PCDH17: variants seen among roughly 807,000 people sequenced by gnomAD.
PCDH17 encodes the protein protocadherin-17.
PCDH17 carries 21 observed loss-of-function variants against 67.7 expected under a neutral mutation model. The observed-to-expected ratio is 0.31, with a 90% CI of 0.22 to 0.45. The LOEUF (loss-of-function observed/expected upper bound fraction) is 0.45. Among genes scored for constraint, PCDH17 ranks in the 20% least tolerant of loss-of-function variants. The pLI is 1.00. For missense variants in PCDH17, 1,471 were observed against 1,564.8 expected (o/e 0.94, Z 1.01); for synonymous variants, 701 against 656.7 (o/e 1.07, Z -1.03).
intron 1 of PCDH17, among the ~76,000 whole-genome samples, chr13:57,643,854 T>C (rs1218590321): frequency 6.6e-6 from 1 of 151,718 alleles, no homozygotes; most frequent in Admixed American, 6.6e-5. Flanking sequence ...CCTTGCCTCA[T>C]ATTGTAATCT....
intron 3 of PCDH17, among the ~76,000 whole-genome samples, chr13:57,721,077 T>C (rs1388947590): frequency 6.6e-6 from 1 of 152,124 alleles, no homozygotes; most frequent in Non-Finnish European, 1.5e-5. Flanking sequence ...GTGTCTAATA[T>C]AGGCAGAACT....
rs749398882 is a variant in PCDH17 at position 57,663,264 on chromosome 13, C to T, written c.2566-3204C>T. 2.0e-5 allele frequency among the ~76,000 whole-genome samples: 3 copies of T among 152,072 alleles called. No individual in the cohort carries two copies. In the South Asian group the frequency reaches 6.2e-4, roughly 32 times the overall value. On this transcript the variant is annotated intron_variant, in intron 1 of 3. Transcript: ENST00000377918. The stretch of plus-strand genomic sequence containing the variant: ...GAAGAGAACACTAGTGATTAGTTTG[C>T]ATGAAAGATAAGGTTTTCAAGCATT...
chr13:57,678,712 G>A (rs915793663), intron 3 of PCDH17, among the ~76,000 whole-genome samples: 8 of 151,400 alleles, frequency 5.3e-5, no homozygotes, highest in East Asian at 2.0e-4. Context: ...GTGCACATGC[G>A]TCAAAAACAC....
chr13:57,720,222 C>CT (rs1955861447), intron 3 of PCDH17, among the ~76,000 whole-genome samples: 1 of 151,846 alleles, frequency 6.6e-6, no homozygotes, highest in South Asian at 2.1e-4. Context: ...AGAGAGAGAG[C>CT]TTTCAGATAT....
At position 57,634,236 on chromosome 13, in the gene PCDH17, G is replaced by C. The variant is rs767718478; in HGVS notation, c.1690G>C (p.Glu564Gln). The C allele has an allele frequency of 6.2e-7, 1 of 1,613,128 alleles. No individual in the cohort carries two copies. The highest frequency in any genetic ancestry group is 1.7e-5 in the Admixed American group (1 of 60,004). Residue 564 changes from glutamate to glutamine, a missense_variant, in exon 1 of 4, where the codon GAG (glutamate) becomes CAG (glutamine). By Grantham distance (29) the Glu-to-Gln change is conservative. Transcript: ENST00000377918. This position sits in a 1 kb window ranked among gnomAD's most constrained non-coding sequence, Gnocchi z 7.8. ...AKDSGAPAHLESNATVRVTVL... is the reference protein window; with the variant it reads ...AKDSGAPAHLQSNATVRVTVL... Reference sequence around the variant, plus strand: ...GGACTCGGGGGCGCCCGCGCACTTGGAGAGCAACGCCACGGTGAGGGTGAC... The same window carrying C: ...GGACTCGGGGGCGCCCGCGCACTTGCAGAGCAACGCCACGGTGAGGGTGAC...
In PCDH17 at chr13:57,728,525, A is replaced by G. The variant is rs1048960739; in HGVS notation, c.*3231A>G. 1 of 150,298 alleles carries G rather than the reference A, an allele frequency of 6.7e-6. No homozygotes were observed. Among genetic ancestry groups the G allele is most frequent in the Non-Finnish European group, 1.5e-5 (1 of 67,448 alleles). 9.3% of individuals were successfully genotyped at this position (150,298 alleles called of 1,614,324 possible). A position where few individuals can be genotyped will look rare whatever the true frequency, so the allele number is the denominator to read the frequency against. The stretch of plus-strand genomic sequence containing the variant: ...ATTGCTTGCAGATGAGCTAAAAAAA[A>G]AAAAAAAAAAAAAAAGCAACAAAAT... On this transcript the variant is annotated 3_prime_UTR_variant, in exon 4 of 4. Coordinates refer to ENST00000377918, the MANE Select transcript of PCDH17 (RefSeq NM_001040429.3).
chr13:57,682,862 T>G (rs2138050473), intron 3 of PCDH17, among the ~76,000 whole-genome samples: 1 of 151,992 alleles, frequency 6.6e-6, no homozygotes, highest in Middle Eastern at 3.4e-3. Flanking sequence ...TTAATAATTT[T>G]TAAGCCTTAG....
intron 3 of PCDH17, among the ~76,000 whole-genome samples, chr13:57,717,462 AT>A (rs1423755751): frequency 5.3e-5 from 8 of 151,992 alleles, no homozygotes; most frequent in Admixed American, 3.3e-4. Flanking sequence ...TCCGGTAAAC[AT>A]TTTACTATGT....
chr13:57,723,026 A>C (rs1012654517), intron 3 of PCDH17, among the ~76,000 whole-genome samples: 5 of 152,242 alleles, frequency 3.3e-5, no homozygotes, highest in African/African-American at 4.8e-5. Context: ...TCTGTCTAAC[A>C]GTCTTTCGAT....
chr13:57,700,575 A>G (rs898843673), intron 3 of PCDH17, among the ~76,000 whole-genome samples: 3 of 152,050 alleles, frequency 2.0e-5, no homozygotes, highest in Non-Finnish European at 4.4e-5. Flanking sequence ...TATGTATGCT[A>G]ATGAACAGTA....
At chr13:57,685,631 A>C (rs745676494) in intron 3 of PCDH17, among the ~76,000 whole-genome samples, 3 of 152,062 alleles carry the variant, frequency 2.0e-5, no homozygotes, top group Non-Finnish European at 2.9e-5. Context: ...TGAGTATAAA[A>C]GTTGGTTGGA....
In PCDH17 at chr13:57,728,329, A is replaced by G. The variant is rs1000317337; in HGVS notation, c.*3035A>G. The G allele has an allele frequency of 6.6e-6, 1 of 152,256 alleles. No homozygotes were observed. Among genetic ancestry groups the G allele is most frequent in the Non-Finnish European group, 1.5e-5 (1 of 67,964 alleles). 9.4% of individuals were successfully genotyped at this position (152,256 alleles called of 1,614,324 possible). ...GGGTTTTAACATAATTTAGAATGTGAAAAAAATATCAATTCATATCTTTCA... is the reference window on the plus strand; with the variant it reads ...GGGTTTTAACATAATTTAGAATGTGGAAAAAATATCAATTCATATCTTTCA... On this transcript the variant is annotated 3_prime_UTR_variant, in exon 4 of 4. Coordinates refer to ENST00000377918, the MANE Select transcript of PCDH17 (RefSeq NM_001040429.3).
intron 3 of PCDH17, among the ~76,000 whole-genome samples, chr13:57,681,127 T>C (rs1226776696): frequency 6.6e-6 from 1 of 151,752 alleles, no homozygotes; most frequent in African/African-American, 2.4e-5. Context: ...ATCAGAGAAC[T>C]GAGGTAACTC....
chr13:57,680,656 G>C (rs1479376534), intron 3 of PCDH17, among the ~76,000 whole-genome samples: 1 of 151,520 alleles, frequency 6.6e-6, no homozygotes, highest in African/African-American at 2.4e-5. Context: ...CAACTTGATG[G>C]CCAAGCTGAT....
chr13:57,674,723 A>G (rs754700044), intron 3 of PCDH17, among the ~76,000 whole-genome samples: 1 of 151,952 alleles, frequency 6.6e-6, no homozygotes, highest in Non-Finnish European at 1.5e-5. Context: ...CAGACTAGTT[A>G]TCAGCATTAG....
intron 1 of PCDH17, among the ~76,000 whole-genome samples, chr13:57,661,327 G>A (rs1566225737): frequency 6.6e-6 from 1 of 152,054 alleles, no homozygotes; most frequent in African/African-American, 2.4e-5. Flanking sequence ...AGCCTTTCAA[G>A]TGTTTGTTTG....
intron 3 of PCDH17, among the ~76,000 whole-genome samples, chr13:57,702,177 A>G (rs1480299017): frequency 6.6e-6 from 1 of 152,046 alleles, no homozygotes; most frequent in Non-Finnish European, 1.5e-5. Flanking sequence ...TCGGCCTCCC[A>G]AAGTGCTGAG....
At chr13:57,688,427 A>G (rs540051655) in intron 3 of PCDH17, among the ~76,000 whole-genome samples, 3 of 152,090 alleles carry the variant, frequency 2.0e-5, no homozygotes, top group Admixed American at 6.6e-5. Context: ...AATTGACATA[A>G]TTGACACATA....
chr13:57,669,827 T>G (rs1243464739), intron 3 of PCDH17, among the ~76,000 whole-genome samples: 1 of 152,082 alleles, frequency 6.6e-6, no homozygotes, highest in Non-Finnish European at 1.5e-5. Context: ...CCATTTTGAC[T>G]CATTGCTATG....
Sources: gnomAD v4.1 joint callset for allele counts (sites outside exome capture counted in the v4.1 genomes callset) on GRCh38, gnomAD v4.1.1 for gene constraint, Gnocchi (gnomAD v3.1) non-coding constraint, MANE v1.5 for transcripts, NCBI Gene and HGNC (gene_info 2026-07-23, HGNC 2026-07-21) for gene names.